Variants in ZCCHC2 observed in about 807,000 individuals in gnomAD.
ZCCHC2 encodes zinc finger CCHC-type containing 2.
Under a neutral mutation model 103.6 loss-of-function variants are expected in ZCCHC2, and 39 were observed. That is an observed-to-expected ratio of 0.38 (90% confidence interval 0.29 to 0.49). ZCCHC2 has a LOEUF of 0.49. Among genes scored for constraint, ZCCHC2 ranks in the 20% least tolerant of loss-of-function variants. ZCCHC2 has a pLI of 0.96. For missense variants in ZCCHC2, 1,483 were observed against 1,491.0 expected (o/e 0.99, Z 0.09); for synonymous variants, 687 against 608.9 (o/e 1.13, Z -1.89).
At chr18:62,524,699 T>A in intron 1 of ZCCHC2, 2 of 311,614 alleles carry the variant, frequency 6.4e-6, no homozygotes, top group Non-Finnish European at 5.9e-6. Context: ...TTTTTGGCTC[T>A]GAGCATCTCA....
chr18:62,585,788 T>C lies in ZCCHC2; in HGVS notation c.*1416T>C, dbSNP rs190212488. The C allele has an allele frequency of 9.1e-4, 138 of 152,380 alleles. 1 individual carries two copies. Among genetic ancestry groups the C allele is most frequent in the African/African-American group, 2.7e-3 (114 of 41,602 alleles). 9.4% of individuals were successfully genotyped at this position (152,380 alleles called of 1,614,324 possible). On this transcript the variant is annotated 3_prime_UTR_variant and NMD_transcript_variant, in exon 15 of 15. Coordinates refer to the ZCCHC2 transcript ENST00000585873. ...GTTTGTCATGCAGGGGACACTTGAA[T>C]GCCCAGTATGGGCCAGACAGCATCA...
rs959482130 is a variant in ZCCHC2 at position 62,556,229 on chromosome 18, C to G, written c.1340C>G (p.Ala447Gly). 2.5e-6 allele frequency: 4 copies of G among 1,604,536 alleles called. No homozygotes were observed. In the Admixed American group the frequency reaches 6.8e-5, roughly 27 times the overall value. The change falls in exon 6 of 14, where the codon GCT (alanine) becomes GGT (glycine). Residue 447 changes from alanine to glycine, a missense_variant. This residue lies in a region of ZCCHC2 where 884 missense variants were observed against 907.5 expected (regional missense o/e 0.97). Coordinates refer to ENST00000269499, the MANE Select transcript of ZCCHC2 (RefSeq NM_017742.6). ...LRQLFSSSSQ[A>G]FLQSQKVHSF... ...CAGCTATTTTCAAGTTCATCACAAG[C>G]TTTTCTACAAAGTCAGAAAGTACAC...
chr18:62,545,869 AG>A (rs1915386326), intron 4 of ZCCHC2, among the ~76,000 whole-genome samples: 1 of 152,164 alleles, frequency 6.6e-6, no homozygotes, highest in South Asian at 2.1e-4. Flanking sequence ...TAAATCTATG[AG>A]AGACTTTTAT....
At chr18:62,541,464 C>G (rs78403321) in intron 2 of ZCCHC2, among the ~76,000 whole-genome samples, 3,406 of 152,220 alleles carry the variant, frequency 0.022, 121 homozygotes, top group African/African-American at 0.077. Flanking sequence ...TTTGTGTATT[C>G]CACTTTGTCT....
chr18:62,574,746 A>G lies in ZCCHC2; in HGVS notation c.2665A>G (p.Thr889Ala). ...AATGGTGCCTCAAATTGAGGGAAACACAGGGACAGTCCCTCAGCCTACCAA... is the reference window on the plus strand; with the variant it reads ...AATGGTGCCTCAAATTGAGGGAAACGCAGGGACAGTCCCTCAGCCTACCAA... The part of the protein sequence containing the change: ...NQMVPQIEGN[T>A]GTVPQPTNVK... The change falls in exon 13 of 14, where the codon ACA becomes GCA. Residue 889 changes from threonine to alanine, a missense_variant. By Grantham distance (58) the Thr-to-Ala change is moderately conservative. Coordinates refer to ENST00000269499, the MANE Select transcript of ZCCHC2 (RefSeq NM_017742.6). 1.9e-6 allele frequency: 3 copies of G among 1,614,018 alleles called. No homozygotes were observed. The South Asian group carries it at 3.3e-5, about 18-fold the overall frequency.
At chr18:62,559,402 G>T (rs923919020) in intron 7 of ZCCHC2, among the ~76,000 whole-genome samples, 1 of 152,212 alleles carries the variant, frequency 6.6e-6, no homozygotes, top group Non-Finnish European at 1.5e-5. Context: ...ATAATGTGCA[G>T]CCTCACTGGT....
chr18:62,552,313 A>G (rs1202206936), intron 5 of ZCCHC2: 1 of 152,244 alleles, frequency 6.6e-6, no homozygotes, highest in Non-Finnish European at 1.5e-5. Context: ...CCATGACAAC[A>G]GGTGTCTTTG....
At chr18:62,571,041 G>A (rs1249944123) in intron 12 of ZCCHC2, among the ~76,000 whole-genome samples, 1 of 152,218 alleles carries the variant, frequency 6.6e-6, no homozygotes, top group African/African-American at 2.4e-5. Context: ...GCCTCCTGTA[G>A]CCATCTTATT....
intron 1 of ZCCHC2, chr18:62,526,861 G>C (rs1242687570): frequency 2.6e-5 from 4 of 151,950 alleles, no homozygotes; most frequent in South Asian, 2.1e-4. Context: ...CCCGCCCCCG[G>C]CGCCCTTTTG....
chr18:62,556,569 GTT>G (rs1179730604), intron 6 of ZCCHC2, among the ~76,000 whole-genome samples: 1 of 152,156 alleles, frequency 6.6e-6, no homozygotes, highest in Non-Finnish European at 1.5e-5. Context: ...GGCAGGAACT[GTT>G]CCCTCACAGG....
At chr18:62,559,139 C>T (rs1916014944) in intron 7 of ZCCHC2, among the ~76,000 whole-genome samples, 1 of 152,144 alleles carries the variant, frequency 6.6e-6, no homozygotes, top group South Asian at 2.1e-4. Context: ...AGAAGCCTTT[C>T]TTGAATAAAG....
chr18:62,523,328 CCGCTCCTGACGGCCG>C lies in ZCCHC2; in HGVS notation c.-93_-79del. ...CCTCCCCCGGCGGCATGGAGGGGCC[CCGCTCCTGACGGCCG>C]CGCCGCCGCCTCGGCCCGTGCTCCA... On this transcript the variant is annotated 5_prime_UTR_variant, in exon 1 of 14. The change abolishes the stop of an existing upstream ORF in the 5' untranslated region. Transcript: ENST00000269499. The C allele has an allele frequency of 1.0e-6, 1 of 985,644 alleles. No homozygotes were observed. The highest frequency in any genetic ancestry group is 1.2e-6 in the Non-Finnish European group (1 of 831,012). 61.1% of individuals were successfully genotyped at this position (985,644 alleles called of 1,614,324 possible). A position where few individuals can be genotyped will look rare whatever the true frequency, so the allele number is the denominator to read the frequency against.
In ZCCHC2 at chr18:62,523,376, G is replaced by GCGGCCCCCC; in HGVS notation, c.-48_-47insGGCCCCCCC. 4.9e-6 allele frequency: 5 copies of GCGGCCCCCC among 1,012,350 alleles called. No individual in the cohort carries two copies. The highest frequency in any genetic ancestry group is 5.9e-6 in the Non-Finnish European group (5 of 848,986). The allele number at this position is 1,012,350 out of a possible 1,614,324, so 62.7% of individuals were successfully genotyped here. ...GCCTCGGCCCGTGCTCCACCTCGCG[G>GCGGCCCCCC]CCCCTCCCGCCCGCCCCCGCTCGCA... On this transcript the variant is annotated 5_prime_UTR_variant, in exon 1 of 14. Coordinates refer to ENST00000269499, the MANE Select transcript of ZCCHC2 (RefSeq NM_017742.6).
chr18:62,558,682 T>A lies in ZCCHC2; in HGVS notation c.1409-5T>A. 1 of 1,495,124 alleles carries A rather than the reference T, an allele frequency of 6.7e-7. No individual in the cohort carries two copies. Among genetic ancestry groups the A allele is most frequent in the African/African-American group, 1.4e-5 (1 of 70,444 alleles). The allele number at this position is 1,495,124 out of a possible 1,614,324, so 92.6% of individuals were successfully genotyped here. On this transcript the variant is annotated splice_polypyrimidine_tract_variant and splice_region_variant and intron_variant, in intron 6 of 13. Coordinates refer to ENST00000269499, the MANE Select transcript of ZCCHC2 (RefSeq NM_017742.6). ...AAAGTTAATAGTATTGAATGCTTCC[T>A]GCAGATAACTTACAATCCTCTCTGA... is the stretch of plus-strand genomic sequence containing the variant.
chr18:62,528,312 C>A (rs898698395), intron 1 of ZCCHC2, among the ~76,000 whole-genome samples: 3 of 152,212 alleles, frequency 2.0e-5, no homozygotes, highest in East Asian at 1.9e-4. Flanking sequence ...GAAAACCTTG[C>A]GGCCAGGTGC....
chr18:62,537,640 A>T (rs937095547), intron 1 of ZCCHC2, among the ~76,000 whole-genome samples: 1 of 152,234 alleles, frequency 6.6e-6, no homozygotes, highest in Non-Finnish European at 1.5e-5. Flanking sequence ...GCTGAATCAT[A>T]GGTAATTGGA....
chr18:62,533,386 C>T (rs1158395325), intron 1 of ZCCHC2, among the ~76,000 whole-genome samples: 2 of 150,740 alleles, frequency 1.3e-5, no homozygotes, highest in African/African-American at 4.9e-5. Flanking sequence ...ATTAGTCGGG[C>T]GTGTAGTGGG....
intron 1 of ZCCHC2, among the ~76,000 whole-genome samples, chr18:62,528,164 C>T (rs1158253401): frequency 1.3e-5 from 2 of 152,190 alleles, no homozygotes; most frequent in African/African-American, 4.8e-5. Flanking sequence ...AAAATGTAAA[C>T]TTTCGATACT....
Position 62,560,625 on chromosome 18 carries a change from G to A in ZCCHC2, c.1531G>A (p.Gly511Arg). The A allele has an allele frequency of 1.2e-6, 2 of 1,613,232 alleles. No homozygotes were observed. The highest frequency in any genetic ancestry group is 8.5e-7 in the Non-Finnish European group (1 of 1,179,518). Residue 511 changes from glycine (G) to arginine (R), a missense_variant, in exon 8 of 14, where the codon GGG (glycine) becomes AGG (arginine). This residue lies in a region of ZCCHC2 where 884 missense variants were observed against 907.5 expected (regional missense o/e 0.97). Coordinates refer to ENST00000269499, the MANE Select transcript of ZCCHC2 (RefSeq NM_017742.6). ...QHAIIHKKHT[G>R]KSPIVNNIGT... is the part of the protein sequence containing the mutation. ...TGCCATAATCCACAAGAAGCATACT[G>A]GGAAAAGTCCCATTGTGAAGTAAGT...
Sources: gnomAD v4.1 joint callset for allele counts (sites outside exome capture counted in the v4.1 genomes callset) on GRCh38, gnomAD v4.1.1 for gene constraint, gnomAD v4.1.1 regional missense constraint, MANE v1.5 for transcripts, NCBI Gene and HGNC (gene_info 2026-07-23, HGNC 2026-07-21) for gene names.